NDUFA5: variants seen among roughly 807,000 people sequenced by gnomAD.
NDUFA5 encodes NADH:ubiquinone oxidoreductase subunit A5.
In NDUFA5, 11 loss-of-function variants were observed where a neutral mutation model predicts 19.8. That is an observed-to-expected ratio of 0.56 (90% CI 0.35 to 0.92). The LOEUF is 0.92. Ranked by LOEUF, NDUFA5 falls within the 40% of genes least tolerant of loss-of-function variation. The probability of loss-of-function intolerance (pLI) is 0.01; values close to 1 mark genes in which losing one functional copy is unlikely to be tolerated. For missense variants in NDUFA5, 109 were observed against 134.2 expected (o/e 0.81, Z 0.93); for synonymous variants, 47 against 46.8 (o/e 1.00, Z -0.01).
intron 2 of NDUFA5, among the ~76,000 whole-genome samples, chr7:123,551,868 G>A (rs1376132865): frequency 1.3e-5 from 2 of 152,032 alleles, no homozygotes; most frequent in African/African-American, 4.8e-5. Context: ...GTTTTAATAT[G>A]ATCTAAAATT....
chr7:123,601,509 A>G, the NDUFA5 span, among the ~76,000 whole-genome samples: 1 of 152,198 alleles, frequency 6.6e-6, no homozygotes, highest in African/African-American at 2.4e-5. Flanking sequence ...TTAGGCTCTG[A>G]CAACACAAAG....
At position 123,545,673 on chromosome 7, in the gene NDUFA5, G is replaced by T. The variant is rs1798106112; in HGVS notation, c.187C>A (p.Pro63Thr). 1.2e-6 allele frequency: 2 copies of T among 1,604,434 alleles called. No homozygotes were observed. The highest frequency in any genetic ancestry group is 8.5e-7 in the Non-Finnish European group (1 of 1,175,566). ...NEKLAMVKAE[P>T]DVKKLEDQLQ... ...TGGTCTTCTAATTTTTTAACATCTG[G>T]TTCCTATAATTTCAGGGAGAAAAAA... Residue 63 changes from proline (P) to threonine (T), a missense_variant, in exon 4 of 5, where the codon CCA becomes ACA. Transcript: ENST00000355749.
At position 123,542,279 on chromosome 7, in the gene NDUFA5, A is replaced by G. The variant is rs999858112; in HGVS notation, c.250-59T>C. 3.2e-6 allele frequency: 4 copies of G among 1,263,698 alleles called. No individual in the cohort carries two copies. In the African/African-American group the frequency reaches 4.6e-5, roughly 14 times the overall value. The allele number at this position is 1,263,698 out of a possible 1,614,324, so 78.3% of individuals were successfully genotyped here. A position where few individuals can be genotyped will look rare whatever the true frequency, so the allele number is the denominator to read the frequency against. ...TTTTACTCTTCAACAGATATTTATCAGAACAACTGAAATTTAACTATTAGT... is the reference window on the plus strand; with the variant it reads ...TTTTACTCTTCAACAGATATTTATCGGAACAACTGAAATTTAACTATTAGT... On this transcript the variant is annotated intron_variant, in intron 4 of 4. Transcript: ENST00000355749.
the NDUFA5 span, among the ~76,000 whole-genome samples, chr7:123,582,408 T>C: frequency 6.6e-6 from 1 of 151,972 alleles, no homozygotes; most frequent in South Asian, 2.1e-4. Context: ...CCTTTTCTCA[T>C]TGCCACCGTC....
the NDUFA5 span, among the ~76,000 whole-genome samples, chr7:123,592,081 TTC>T: frequency 6.6e-6 from 1 of 152,200 alleles, no homozygotes; most frequent in African/African-American, 2.4e-5. Context: ...TTTAGTTTAT[TTC>T]TGTAGAGGTG....
At chr7:123,573,288 CTT>C in the NDUFA5 span, among the ~76,000 whole-genome samples, 111 of 117,878 alleles carry the variant, frequency 9.4e-4, no homozygotes, top group Non-Finnish European at 1.4e-3. Context: ...TCTGGATTTG[CTT>C]TTTTTTTTTT....
chr7:123,571,748 A>G, the NDUFA5 span, among the ~76,000 whole-genome samples: 1 of 152,208 alleles, frequency 6.6e-6, no homozygotes, highest in Non-Finnish European at 1.5e-5. Flanking sequence ...AATTTTTAAG[A>G]AGAAAAGTGA....
At chr7:123,545,993 G>A (rs1424295614) in intron 3 of NDUFA5, among the ~76,000 whole-genome samples, 1 of 151,948 alleles carries the variant, frequency 6.6e-6, no homozygotes, top group Non-Finnish European at 1.5e-5. Context: ...TCCTCTGAGA[G>A]CATTAGAATT....
chr7:123,593,758 TG>T, the NDUFA5 span, among the ~76,000 whole-genome samples: 1 of 152,152 alleles, frequency 6.6e-6, no homozygotes. Context: ...TTATGTGTCT[TG>T]GGGTTGCTCT....
the NDUFA5 span, among the ~76,000 whole-genome samples, chr7:123,594,213 A>G: frequency 6.6e-6 from 1 of 151,904 alleles, no homozygotes; most frequent in Non-Finnish European, 1.5e-5. Flanking sequence ...CTTCCTTGCA[A>G]TGGGTTAGAA....
intron 3 of NDUFA5, among the ~76,000 whole-genome samples, chr7:123,549,605 C>T (rs568692991): frequency 3.3e-5 from 5 of 151,990 alleles, no homozygotes; most frequent in African/African-American, 1.2e-4. Context: ...AGTGAAACTC[C>T]GCCTCTACAA....
At chr7:123,572,548 G>T in the NDUFA5 span, among the ~76,000 whole-genome samples, 1 of 151,776 alleles carries the variant, frequency 6.6e-6, no homozygotes, top group African/African-American at 2.4e-5. Flanking sequence ...CAATCGTAAA[G>T]ATTGATGTAT....
the NDUFA5 span, among the ~76,000 whole-genome samples, chr7:123,590,135 T>A: frequency 6.2e-3 from 938 of 152,318 alleles, 8 homozygotes; most frequent in African/African-American, 0.022. Flanking sequence ...GAAGTGTCTG[T>A]TCATGTCCTT....
Position 123,557,796 on chromosome 7 carries a change from G to T in NDUFA5, c.-1C>A. On this transcript the variant is annotated 5_prime_UTR_variant, in exon 1 of 5. Transcript: ENST00000355749. The stretch of plus-strand genomic sequence containing the variant: ...TCACCTTCTTCAGCACACCCGCCAT[G>T]ACAGCGCCAACGACTCGGTGACGCA... 6.2e-7 allele frequency: 1 copy of T among 1,613,720 alleles called. No homozygotes were observed. The highest frequency in any genetic ancestry group is 1.1e-5 in the South Asian group (1 of 91,066).
chr7:123,556,623 C>T (rs1798556527), intron 2 of NDUFA5: 2 of 248,054 alleles, frequency 8.1e-6, no homozygotes, highest in South Asian at 1.0e-4. Flanking sequence ...AAAAAAAACG[C>T]TGCTATTAGG....
Position 123,540,993 on chromosome 7 carries a change from T to C in NDUFA5, c.*1126A>G, listed in dbSNP as rs1171191278. On this transcript the variant is annotated 3_prime_UTR_variant, in exon 5 of 5. Transcript: ENST00000355749. ...ATCTATGAAGGAAAGAGATACCACG[T>C]TAAATTTAACCAAGTATTTAGGAAT... is the stretch of plus-strand genomic sequence containing the variant. 1 of 149,530 alleles carries C rather than the reference T, an allele frequency of 6.7e-6. No individual in the cohort carries two copies. 9.3% of individuals were successfully genotyped at this position (149,530 alleles called of 1,614,324 possible). A position where few individuals can be genotyped will look rare whatever the true frequency, so the allele number is the denominator to read the frequency against.
At chr7:123,544,498 C>CAAAA (rs754788912) in intron 4 of NDUFA5, among the ~76,000 whole-genome samples, 1 of 72,944 alleles carries the variant, frequency 1.4e-5, no homozygotes, top group Admixed American at 1.6e-4. Context: ...AACTCCATCT[C>CAAAA]AAAAAAAAAA....
At chr7:123,572,328 G>C in the NDUFA5 span, among the ~76,000 whole-genome samples, 1 of 151,358 alleles carries the variant, frequency 6.6e-6, no homozygotes, top group Non-Finnish European at 1.5e-5. Flanking sequence ...TTTTAGTAGA[G>C]ACAGGTTTCA....
chr7:123,592,393 A>G, the NDUFA5 span, among the ~76,000 whole-genome samples: 2 of 152,050 alleles, frequency 1.3e-5, no homozygotes, highest in African/African-American at 4.8e-5. Flanking sequence ...ATTATTTTAG[A>G]TCTTTCCTGC....
Sources: allele counts gnomAD v4.1 joint callset (sites outside exome capture counted in the v4.1 genomes callset), GRCh38; gene constraint gnomAD v4.1.1; transcripts MANE v1.5; gene names NCBI Gene and HGNC (gene_info 2026-07-23, HGNC 2026-07-21).